Variants in FAM227B observed in about 807,000 individuals in gnomAD.
FAM227B encodes family with sequence similarity 227 member B.
A neutral mutation model predicts 73.8 loss-of-function variants in FAM227B; 88 were observed. The observed-to-expected ratio is 1.19, with a 90% confidence interval of 1.00 to 1.42. The LOEUF is 1.42. Ranked by LOEUF, FAM227B falls within the 40% of genes most tolerant of loss-of-function variation. The probability of loss-of-function intolerance (pLI) is 0.00; values close to 1 mark genes in which losing one functional copy is unlikely to be tolerated. For missense variants in FAM227B, 632 were observed against 590.9 expected, an observed-to-expected ratio of 1.07 and a Z score of -0.72; for synonymous variants, 210 against 190.5, an observed-to-expected ratio of 1.10 and a Z score of -0.84.
chr15:49,352,991 G>A (rs766003966), intron 13 of FAM227B, among the ~76,000 whole-genome samples: 2 of 152,146 alleles, frequency 1.3e-5, no homozygotes, highest in Non-Finnish European at 2.9e-5. Context: ...TCTTTTAGGG[G>A]ACTATGCACA....
intron 13 of FAM227B, chr15:49,365,539 G>C: frequency 1.2e-6 from 1 of 864,652 alleles, no homozygotes; most frequent in Non-Finnish European, 2.0e-6. Flanking sequence ...TACTGGCAAT[G>C]TTTCAGTATT....
intron 3 of FAM227B, among the ~76,000 whole-genome samples, chr15:49,594,180 T>C (rs532895935): frequency 6.6e-6 from 1 of 152,330 alleles, no homozygotes; most frequent in South Asian, 2.1e-4. Flanking sequence ...TAATTAATGA[T>C]GTTGAGCATT....
At chr15:49,580,789 C>G (rs978046448) in intron 5 of FAM227B, among the ~76,000 whole-genome samples, 1 of 152,020 alleles carries the variant, frequency 6.6e-6, no homozygotes, top group African/African-American at 2.4e-5. Flanking sequence ...TAAGAAAGAA[C>G]CAAACTGAAC....
In FAM227B at chr15:49,367,584, CT is replaced by C; in HGVS notation, c.1134del (p.Glu379SerfsTer15). 6.3e-7 allele frequency: 1 copy of C among 1,598,474 alleles called. No individual in the cohort carries two copies. Among genetic ancestry groups the C allele is most frequent in the Non-Finnish European group, 8.5e-7 (1 of 1,176,504 alleles). On this transcript the variant is annotated frameshift_variant, in exon 13 of 16. Coordinates refer to ENST00000299338, the MANE Select transcript of FAM227B (RefSeq NM_152647.3). LOFTEE classifies it high-confidence loss of function. ...ATKSHYSSTG[P>X]EFNRVLFNFG... Reference sequence around the variant, plus strand: ...AAATTGAAGAGAACACGATTAAACTCTGGACCAGTACTACTATAGTGCGACT... The same window carrying C: ...AAATTGAAGAGAACACGATTAAACTCGGACCAGTACTACTATAGTGCGACT...
chr15:49,614,770 A>C, intron 2 of FAM227B: 1 of 244,468 alleles, frequency 4.1e-6, no homozygotes, highest in Non-Finnish European at 8.2e-6. Context: ...CTAACTGACT[A>C]CCTGTTTCCT....
chr15:49,355,238 G>A (rs2042941179), intron 13 of FAM227B, among the ~76,000 whole-genome samples: 1 of 152,210 alleles, frequency 6.6e-6, no homozygotes, highest in Non-Finnish European at 1.5e-5. Context: ...AAGCTGGATG[G>A]AGAATGACTT....
intron 11 of FAM227B, among the ~76,000 whole-genome samples, chr15:49,388,611 T>C (rs1251413993): frequency 1.3e-5 from 2 of 151,168 alleles, no homozygotes; most frequent in Non-Finnish European, 3.0e-5. Flanking sequence ...AAAGCAAATA[T>C]AACAAAAACA....
intron 13 of FAM227B, among the ~76,000 whole-genome samples, chr15:49,339,500 C>G (rs111600039): frequency 4.6e-5 from 7 of 152,164 alleles, no homozygotes; most frequent in South Asian, 2.1e-4. Flanking sequence ...CTGGAAGCTT[C>G]GTCCCAGAGG....
At chr15:49,543,031 G>C (rs1276415470) in intron 9 of FAM227B, among the ~76,000 whole-genome samples, 1 of 152,082 alleles carries the variant, frequency 6.6e-6, no homozygotes, top group African/African-American at 2.4e-5. Flanking sequence ...CCCAGTAGTG[G>C]GATTGCTGGA....
intron 11 of FAM227B, among the ~76,000 whole-genome samples, chr15:49,374,119 T>C (rs2046008816): frequency 6.6e-6 from 1 of 152,180 alleles, no homozygotes; most frequent in African/African-American, 2.4e-5. Context: ...AAGCTCTACT[T>C]TATAAAGATA....
intron 11 of FAM227B, among the ~76,000 whole-genome samples, chr15:49,384,709 G>A (rs1032502455): frequency 2.0e-5 from 3 of 151,184 alleles, no homozygotes; most frequent in African/African-American, 7.4e-5. Context: ...CTTATAAACT[G>A]TTCTGCTGTG....
intron 13 of FAM227B, among the ~76,000 whole-genome samples, chr15:49,337,243 G>C (rs2039874956): frequency 6.6e-6 from 1 of 152,134 alleles, no homozygotes; most frequent in African/African-American, 2.4e-5. Flanking sequence ...CGGTAGTTCT[G>C]TTTTAAGTTC....
rs540063476 is a variant in FAM227B at position 49,615,121 on chromosome 15, C to T, written c.51G>A (p.Gly17=). 3.1e-6 allele frequency: 5 copies of T among 1,613,744 alleles called. No homozygotes were observed. The South Asian group carries it at 5.5e-5, about 18-fold the overall frequency. The part of the protein sequence containing the change: ...CQRRSSRAGP[G]KMQEPPKSIE... ...CATAAAGCTGTGGAAGCTTCCTTAC[C>T]CCGGGGCCAGCTCTGCTGCTCCTCC... is the stretch of plus-strand genomic sequence containing the variant. The change falls in exon 2 of 16, where the codon GGG becomes GGA. Residue 17 remains glycine, a splice_region_variant and synonymous_variant. Coordinates refer to ENST00000299338, the MANE Select transcript of FAM227B (RefSeq NM_152647.3).
At chr15:49,388,600 A>G (rs2047021222) in intron 11 of FAM227B, among the ~76,000 whole-genome samples, 1 of 152,000 alleles carries the variant, frequency 6.6e-6, no homozygotes, top group Non-Finnish European at 1.5e-5. Flanking sequence ...CAAAGATCCC[A>G]AAAGCAAATA....
intron 11 of FAM227B, among the ~76,000 whole-genome samples, chr15:49,407,642 ATAT>A (rs935893375): frequency 1.1e-4 from 16 of 147,948 alleles, no homozygotes; most frequent in Admixed American, 8.8e-4. Context: ...TTTAATATAT[ATAT>A]TATATTATTA....
intron 11 of FAM227B, among the ~76,000 whole-genome samples, chr15:49,500,404 C>G (rs956793379): frequency 6.6e-6 from 1 of 152,196 alleles, no homozygotes; most frequent in Non-Finnish European, 1.5e-5. Context: ...GCCTTTGGTG[C>G]CCATCCTTTG....
chr15:49,379,718 T>A (rs2046398281), intron 11 of FAM227B, among the ~76,000 whole-genome samples: 1 of 152,202 alleles, frequency 6.6e-6, no homozygotes, highest in Non-Finnish European at 1.5e-5. Context: ...GACTCTTTTC[T>A]CACCCCTTAC....
At chr15:49,367,250 G>A (rs2045363474) in intron 13 of FAM227B, among the ~76,000 whole-genome samples, 198 bp downstream of exon 13, 1 of 152,024 alleles carries the variant, frequency 6.6e-6, no homozygotes, top group Non-Finnish European at 1.5e-5. Context: ...TTTCTTACAT[G>A]CAAAATCATA....
rs2151116525 is a variant in FAM227B at position 49,328,512 on chromosome 15, C to T, written c.*56G>A. The stretch of plus-strand genomic sequence containing the variant: ...AATTAAATATATTGTTACAATTAAA[C>T]TGATACCACTGAATTGTATGCATTA... On this transcript the variant is annotated 3_prime_UTR_variant, in exon 16 of 16. Transcript: ENST00000299338. The T allele has an allele frequency of 6.3e-7, 1 of 1,595,090 alleles. No homozygotes were observed.
Sources: allele counts gnomAD v4.1 joint callset (sites outside exome capture counted in the v4.1 genomes callset), GRCh38; gene constraint gnomAD v4.1.1; transcripts MANE v1.5; gene names NCBI Gene and HGNC (gene_info 2026-07-23, HGNC 2026-07-21).